Variants in FGF1 observed in about 807,000 individuals in gnomAD.
FGF1 encodes beta-endothelial cell growth factor.
A neutral mutation model predicts 13.4 loss-of-function variants in FGF1; 9 were observed. The observed-to-expected ratio is 0.67, with a 90% confidence interval of 0.40 to 1.17. The LOEUF is 1.17. FGF1 is among the 50% of genes most tolerant of loss of function. FGF1 has a pLI of 0.01. For synonymous variants in FGF1, 93 were observed against 79.0 expected, an observed-to-expected ratio of 1.18 and a Z score of -0.94; for missense variants, 156 against 192.7, an observed-to-expected ratio of 0.81 and a Z score of 1.13.
chr5:142,687,076 G>A (rs1013049046), upstream of FGF1, among the ~76,000 whole-genome samples: 1 of 152,054 alleles, frequency 6.6e-6, no homozygotes, highest in Non-Finnish European at 1.5e-5. Flanking sequence ...TTGAAGAGTC[G>A]CTCCTGCTTA....
chr5:142,617,645 C>G (rs1338751477), intron 1 of FGF1, among the ~76,000 whole-genome samples: 2 of 152,146 alleles, frequency 1.3e-5, no homozygotes, highest in East Asian at 3.9e-4. Context: ...AACTGAAAAC[C>G]TGAAGGAGAC....
At chr5:142,657,139 A>C (rs1316034353) in intron 1 of FGF1, among the ~76,000 whole-genome samples, 1 of 151,200 alleles carries the variant, frequency 6.6e-6, no homozygotes, top group African/African-American at 2.4e-5. Context: ...CTGGTCTTGA[A>C]CTCCTGACCT....
chr5:142,629,064 G>C (rs1317823661), intron 1 of FGF1, among the ~76,000 whole-genome samples: 5 of 152,140 alleles, frequency 3.3e-5, no homozygotes, highest in East Asian at 1.9e-4. Context: ...TCAGTGGTGA[G>C]AGCAACTTTT....
At chr5:142,678,807 C>T (rs746463724) in intron 1 of FGF1, among the ~76,000 whole-genome samples, 8 of 152,228 alleles carry the variant, frequency 5.3e-5, no homozygotes, top group East Asian at 1.9e-4. Flanking sequence ...GAGCCTGGCC[C>T]GGCTGCCTAG....
At chr5:142,637,267 T>C (rs1034482913) in intron 1 of FGF1, among the ~76,000 whole-genome samples, 1 of 151,640 alleles carries the variant, frequency 6.6e-6, no homozygotes, top group Non-Finnish European at 1.5e-5. Context: ...GCTTTGAGAA[T>C]GTGGAGGTCA....
chr5:142,683,008 A>G (rs1773997670), intron 1 of FGF1, among the ~76,000 whole-genome samples: 1 of 152,162 alleles, frequency 6.6e-6, no homozygotes, highest in South Asian at 2.1e-4. Context: ...GGATCCAGTC[A>G]TATCTCAAGA....
intron 3 of FGF1, among the ~76,000 whole-genome samples, chr5:142,598,223 C>T (rs1276407624): frequency 1.3e-5 from 2 of 152,100 alleles, no homozygotes; most frequent in East Asian, 1.9e-4. Flanking sequence ...TGTTCTGTGA[C>T]GAAGGTGAGG....
At chr5:142,678,395 G>T (rs1394659359) in intron 1 of FGF1, among the ~76,000 whole-genome samples, 1 of 152,170 alleles carries the variant, frequency 6.6e-6, no homozygotes, top group African/African-American at 2.4e-5. Flanking sequence ...CCCCAGTGAT[G>T]GATGTGTTTG....
chr5:142,631,262 G>A (rs573447077), intron 1 of FGF1, among the ~76,000 whole-genome samples: 9 of 152,284 alleles, frequency 5.9e-5, no homozygotes, highest in African/African-American at 2.2e-4. Flanking sequence ...ATTGATTCTT[G>A]CTCATCAAGT....
intron 1 of FGF1, among the ~76,000 whole-genome samples, chr5:142,639,689 GA>G (rs946478057): frequency 6.6e-6 from 1 of 151,958 alleles, no homozygotes; most frequent in Non-Finnish European, 1.5e-5. Context: ...TGGTATACTT[GA>G]AGATTGCCAA....
chr5:142,595,974 A>G (rs990930558), intron 3 of FGF1, among the ~76,000 whole-genome samples: 1 of 152,352 alleles, frequency 6.6e-6, no homozygotes, highest in African/African-American at 2.4e-5. Context: ...CTTGAAGGCT[A>G]GACTTAAAGA....
In FGF1 at chr5:142,621,132, T is replaced by C. The variant is rs145605750; in HGVS notation, c.-34-6971A>G. On this transcript the variant is annotated intron_variant, in intron 1 of 3. Coordinates refer to ENST00000337706, the MANE Select transcript of FGF1 (RefSeq NM_000800.5). ...TGACCATTCTAACTCATCACTCCCC[T>C]GCTGTAGATCTTTGACTGGGTCATT... 1.2e-3 allele frequency among the ~76,000 whole-genome samples: 180 copies of C among 152,316 alleles called. 2 individuals are homozygous for C. The highest frequency in any genetic ancestry group is 4.1e-3 in the African/African-American group (169 of 41,570).
intron 1 of FGF1, among the ~76,000 whole-genome samples, chr5:142,620,153 C>T (rs1316692358): frequency 6.6e-6 from 1 of 152,028 alleles, no homozygotes; most frequent in African/African-American, 2.4e-5. Flanking sequence ...CGCGGTGGCT[C>T]ACGCCTGTAA....
upstream of FGF1, chr5:142,686,535 G>T (rs78853576): frequency 6.6e-6 from 1 of 152,344 alleles, no homozygotes; most frequent in African/African-American, 2.4e-5. Flanking sequence ...TGAGGCCTGA[G>T]TTGCCAGGGA....
At chr5:142,681,304 G>T (rs1773648966) in intron 1 of FGF1, among the ~76,000 whole-genome samples, 1 of 152,306 alleles carries the variant, frequency 6.6e-6, no homozygotes, top group East Asian at 1.9e-4. Context: ...TTCAAATTTA[G>T]CTCAACATGA....
chr5:142,616,569 T>A (rs1433425330), intron 1 of FGF1, among the ~76,000 whole-genome samples: 1 of 152,222 alleles, frequency 6.6e-6, no homozygotes, highest in Non-Finnish European at 1.5e-5. Context: ...CCATCCTCAC[T>A]GTCTCTTCCA....
intron 1 of FGF1, chr5:142,680,044 A>G (rs1429843446): frequency 6.6e-6 from 1 of 152,184 alleles, no homozygotes; most frequent in African/African-American, 2.4e-5. Context: ...TCTTCTTCCT[A>G]TGTCCACTCA....
At chr5:142,672,846 G>T (rs1771766788) in intron 1 of FGF1, among the ~76,000 whole-genome samples, 1 of 152,120 alleles carries the variant, frequency 6.6e-6, no homozygotes, top group Non-Finnish European at 1.5e-5. Flanking sequence ...AAGGCAGATA[G>T]TCAAGCCCTG....
intron 1 of FGF1, among the ~76,000 whole-genome samples, chr5:142,655,561 T>C (rs1212349033): frequency 1.3e-5 from 2 of 152,218 alleles, no homozygotes; most frequent in Non-Finnish European, 1.5e-5. Context: ...CCAAAATTAC[T>C]AATTCCCGAC....
Sources: allele counts gnomAD v4.1 joint callset (sites outside exome capture counted in the v4.1 genomes callset), GRCh38; gene constraint gnomAD v4.1.1; transcripts MANE v1.5; gene names NCBI Gene and HGNC (gene_info 2026-07-23, HGNC 2026-07-21).